PKIA: variants seen among roughly 807,000 people sequenced by gnomAD.
PKIA encodes the protein PKI-alpha.
Under a neutral mutation model 7.6 loss-of-function variants are expected in PKIA, and 4 were observed. The ratio of observed to expected loss-of-function variants is 0.52; its 90% confidence interval spans 0.26 to 1.20. PKIA has a LOEUF of 1.20. PKIA is among the 50% of genes most tolerant of loss of function. PKIA has a pLI of 0.13. For missense variants in PKIA, 73 were observed against 86.2 expected (o/e 0.85, Z 0.61); for synonymous variants, 21 against 30.7 (o/e 0.68, Z 1.04).
chr8:78,532,576 T>C (rs769647550), intron 1 of PKIA, among the ~76,000 whole-genome samples: 1 of 151,034 alleles, frequency 6.6e-6, no homozygotes, highest in Non-Finnish European at 1.5e-5. Flanking sequence ...CACTGAGCCA[T>C]ATTTTACTAT....
chr8:78,521,865 T>C lies in PKIA; in HGVS notation c.-157+5397T>C, dbSNP rs116992189. On this transcript the variant is annotated intron_variant, in intron 1 of 3. Coordinates refer to ENST00000396418, the MANE Select transcript of PKIA (RefSeq NM_006823.4). ...TCTATACACATTAAACAATAACCGT[T>C]CATTTCCTCAGCCCCTGGTAAACAC... Among the ~76,000 whole-genome samples, 24 of 152,032 alleles carry C rather than the reference T, an allele frequency of 1.6e-4. 1 individual carries two copies. The East Asian group carries it at 4.6e-3, about 29-fold the overall frequency.
intron 1 of PKIA, among the ~76,000 whole-genome samples, chr8:78,541,388 G>A (rs1806683205): frequency 6.6e-6 from 1 of 152,042 alleles, no homozygotes; most frequent in Admixed American, 6.6e-5. Flanking sequence ...GCAGATACTG[G>A]ATCCCATATA....
At position 78,602,071 on chromosome 8, in the gene PKIA, T is replaced by C; in HGVS notation, c.*250T>C. ...TGGGCGTCATTTTTGTATGGATCCT[T>C]TCACTTGATCATATGACGAAATGCT... On this transcript the variant is annotated 3_prime_UTR_variant, in exon 4 of 4. Coordinates refer to ENST00000396418, the MANE Select transcript of PKIA (RefSeq NM_006823.4). 1 of 496,078 alleles carries C rather than the reference T, an allele frequency of 2.0e-6. No individual in the cohort carries two copies. Among genetic ancestry groups the C allele is most frequent in the Non-Finnish European group, 3.6e-6 (1 of 278,814 alleles). 30.7% of individuals were successfully genotyped at this position (496,078 alleles called of 1,614,324 possible).
At chr8:78,561,472 T>TC (rs1456579425) in intron 1 of PKIA, among the ~76,000 whole-genome samples, 1 of 151,996 alleles carries the variant, frequency 6.6e-6, no homozygotes, top group Non-Finnish European at 1.5e-5. Flanking sequence ...TTTTTTTTTT[T>TC]CTCCTAGTAC....
At chr8:78,548,092 G>C (rs935551358) in intron 1 of PKIA, among the ~76,000 whole-genome samples, 1 of 151,992 alleles carries the variant, frequency 6.6e-6, no homozygotes, top group Non-Finnish European at 1.5e-5. Flanking sequence ...TAGAATAACA[G>C]TATTATTAGA....
intron 1 of PKIA, among the ~76,000 whole-genome samples, chr8:78,540,698 T>C (rs1230191020): frequency 6.6e-6 from 1 of 151,734 alleles, no homozygotes; most frequent in Non-Finnish European, 1.5e-5. Flanking sequence ...CTGGTTTTCC[T>C]TTTTTCGCAA....
chr8:78,523,520 A>G (rs1226276636), intron 1 of PKIA, among the ~76,000 whole-genome samples: 1 of 151,934 alleles, frequency 6.6e-6, no homozygotes, highest in African/African-American at 2.4e-5. Context: ...AACCTGCTAC[A>G]TTCCTCACTT....
chr8:78,574,891 C>T (rs1807637751), intron 2 of PKIA, among the ~76,000 whole-genome samples: 1 of 151,780 alleles, frequency 6.6e-6, no homozygotes. Context: ...AGACTAGTAT[C>T]ACTTAAATAA....
intron 2 of PKIA, among the ~76,000 whole-genome samples, chr8:78,577,621 T>A (rs1401214326): frequency 2.0e-5 from 3 of 152,008 alleles, no homozygotes; most frequent in African/African-American, 7.2e-5. Context: ...CTACAATTTA[T>A]ATACTAAACT....
At chr8:78,599,969 G>A (rs866040802) in intron 3 of PKIA, among the ~76,000 whole-genome samples, 4 of 149,492 alleles carry the variant, frequency 2.7e-5, no homozygotes, top group African/African-American at 9.7e-5. Context: ...AAATTAAAAT[G>A]TAATATTAAT....
chr8:78,571,355 C>T (rs552423856), intron 1 of PKIA, among the ~76,000 whole-genome samples: 28 of 152,114 alleles, frequency 1.8e-4, no homozygotes, highest in African/African-American at 6.5e-4. Flanking sequence ...CCACTGTATC[C>T]GATGCTGTCA....
chr8:78,536,292 A>G (rs1337883555), intron 1 of PKIA, among the ~76,000 whole-genome samples: 2 of 152,128 alleles, frequency 1.3e-5, no homozygotes, highest in South Asian at 2.1e-4. Flanking sequence ...AAAGAAAAAA[A>G]GCAATTCCAA....
At chr8:78,598,068 T>A (rs914360564) in intron 2 of PKIA, among the ~76,000 whole-genome samples, 23 of 147,890 alleles carry the variant, frequency 1.6e-4, no homozygotes, top group Non-Finnish European at 2.2e-4. Context: ...CATAATAATA[T>A]GTATTATTAA....
intron 1 of PKIA, among the ~76,000 whole-genome samples, chr8:78,536,710 T>C (rs1460186758): frequency 6.6e-6 from 1 of 152,124 alleles, no homozygotes; most frequent in African/African-American, 2.4e-5. Context: ...ATATAAGAGT[T>C]TCTTTGACCC....
intron 2 of PKIA, among the ~76,000 whole-genome samples, chr8:78,597,477 A>G (rs1442431964): frequency 1.3e-5 from 2 of 152,154 alleles, no homozygotes; most frequent in Admixed American, 1.3e-4. Context: ...CATGGTGCAT[A>G]GTGGTAATAA....
intron 1 of PKIA, among the ~76,000 whole-genome samples, chr8:78,563,486 T>C (rs537461077): frequency 6.6e-6 from 1 of 152,206 alleles, no homozygotes; most frequent in African/African-American, 2.4e-5. Flanking sequence ...GGTGGTAAAA[T>C]ATACCAAGGT....
intron 1 of PKIA, among the ~76,000 whole-genome samples, chr8:78,526,100 T>G (rs1809539153): frequency 6.6e-6 from 1 of 152,210 alleles, no homozygotes; most frequent in South Asian, 2.1e-4. Context: ...CAGCCAGACC[T>G]CATTACTACA....
chr8:78,599,165 T>C (rs993115898), intron 3 of PKIA, among the ~76,000 whole-genome samples: 1 of 152,050 alleles, frequency 6.6e-6, no homozygotes, highest in African/African-American at 2.4e-5. Flanking sequence ...ACAAGTTTGA[T>C]GGATTAAAAA....
chr8:78,577,076 C>T (rs1807691162), intron 2 of PKIA, among the ~76,000 whole-genome samples: 1 of 151,870 alleles, frequency 6.6e-6, no homozygotes, highest in Non-Finnish European at 1.5e-5. Flanking sequence ...CAAACTAATT[C>T]AAAAGGAGAA....
Sources: gnomAD v4.1 joint callset for allele counts (sites outside exome capture counted in the v4.1 genomes callset) on GRCh38, gnomAD v4.1.1 for gene constraint, MANE v1.5 for transcripts, NCBI Gene and HGNC (gene_info 2026-07-23, HGNC 2026-07-21) for gene names.